RAD51B: variants seen among roughly 807,000 people sequenced by gnomAD.
RAD51B encodes the protein DNA repair protein RAD51 homolog 2.
In RAD51B, 38 loss-of-function variants were observed where a neutral mutation model predicts 42.2. The ratio of observed to expected loss-of-function variants is 0.90; its 90% CI spans 0.70 to 1.18. The LOEUF (loss-of-function observed/expected upper bound fraction) is 1.18. Among genes scored for constraint, RAD51B ranks in the 50% most tolerant of loss-of-function variants. The pLI, the probability that RAD51B is intolerant of heterozygous loss-of-function variation, is 0.00. For synonymous variants in RAD51B, 154 were observed against 145.2 expected (o/e 1.06, Z -0.43); for missense variants, 373 against 400.7 (o/e 0.93, Z 0.59).
intron 7 of RAD51B, among the ~76,000 whole-genome samples, chr14:67,952,128 T>C (rs1057041207): frequency 3.9e-5 from 6 of 152,056 alleles, no homozygotes; most frequent in Non-Finnish European, 7.4e-5. Context: ...GCAACAGTAT[T>C]GTCACAAAAG....
chr14:67,944,093 G>T (rs918259094), intron 7 of RAD51B, among the ~76,000 whole-genome samples: 8 of 152,084 alleles, frequency 5.3e-5, no homozygotes, highest in African/African-American at 1.9e-4. Flanking sequence ...AGTACAGCCA[G>T]GGGGAGTGGG....
intron 7 of RAD51B, among the ~76,000 whole-genome samples, chr14:68,287,853 C>T (rs1245584233): frequency 1.3e-5 from 2 of 152,120 alleles, no homozygotes; most frequent in African/African-American, 4.8e-5. Context: ...CTAAGGACTA[C>T]CTGTGCGTTA....
At chr14:68,352,279 T>C (rs1470790782) in intron 8 of RAD51B, among the ~76,000 whole-genome samples, 1 of 152,236 alleles carries the variant, frequency 6.6e-6, no homozygotes, top group Non-Finnish European at 1.5e-5. Context: ...TGTATTTCTG[T>C]AACTATTACT....
At chr14:68,140,025 C>A (rs1486530917) in intron 7 of RAD51B, among the ~76,000 whole-genome samples, 6 of 152,204 alleles carry the variant, frequency 3.9e-5, no homozygotes, top group Admixed American at 3.9e-4. Context: ...CCCTGAGAAA[C>A]CCTGCCAGAG....
At chr14:68,164,309 G>A (rs1003797184) in intron 7 of RAD51B, among the ~76,000 whole-genome samples, 1 of 152,162 alleles carries the variant, frequency 6.6e-6, no homozygotes, top group African/African-American at 2.4e-5. Context: ...TTGTTAGGAT[G>A]GAAGAGAAAT....
At chr14:68,129,185 A>G (rs1186873099) in intron 7 of RAD51B, among the ~76,000 whole-genome samples, 3 of 152,188 alleles carry the variant, frequency 2.0e-5, no homozygotes, top group African/African-American at 7.2e-5. Flanking sequence ...AGCCTAAACT[A>G]GAACCTAGGT....
At chr14:68,296,732 A>C (rs536434116) in intron 8 of RAD51B, among the ~76,000 whole-genome samples, 1 of 152,324 alleles carries the variant, frequency 6.6e-6, no homozygotes, top group South Asian at 2.1e-4. Flanking sequence ...CAGTTACTTC[A>C]TTATGGTGAC....
intron 1 of RAD51B, 166 bp from the exon 2 acceptor site, chr14:67,823,376 C>T (rs2040699649): frequency 3.7e-6 from 2 of 546,004 alleles, no homozygotes; most frequent in African/African-American, 3.8e-5. Flanking sequence ...TAAAAAGGTT[C>T]TATAGCATTC....
At chr14:68,072,377 T>A (rs1204648569) in intron 7 of RAD51B, among the ~76,000 whole-genome samples, 5 of 151,284 alleles carry the variant, frequency 3.3e-5, no homozygotes, top group Non-Finnish European at 5.9e-5. Flanking sequence ...GGAGAGTGAG[T>A]CCAAGTCCCA....
At chr14:68,301,399 G>A (rs1427178176) in intron 8 of RAD51B, among the ~76,000 whole-genome samples, 2 of 152,092 alleles carry the variant, frequency 1.3e-5, no homozygotes, top group South Asian at 2.1e-4. Flanking sequence ...AACAACAGTC[G>A]ATAAGTGGCT....
At chr14:68,620,201 T>C (rs1350990415) in intron 10 of RAD51B, among the ~76,000 whole-genome samples, 2 of 152,214 alleles carry the variant, frequency 1.3e-5, no homozygotes, top group African/African-American at 4.8e-5. Context: ...TTATTTATTA[T>C]CATTAAAGGC....
chr14:67,916,899 G>T (rs1042012310), intron 7 of RAD51B, among the ~76,000 whole-genome samples: 2 of 152,152 alleles, frequency 1.3e-5, no homozygotes, highest in African/African-American at 4.8e-5. Context: ...GAGGATGGGG[G>T]AGGCAATAAA....
chr14:67,992,100 C>T (rs59281517), intron 7 of RAD51B, among the ~76,000 whole-genome samples: 6,930 of 152,182 alleles, frequency 0.046, 565 homozygotes, highest in African/African-American at 0.16. Context: ...GTAGTAGTCC[C>T]GCTTTATTCT....
intron 7 of RAD51B, among the ~76,000 whole-genome samples, chr14:68,101,852 C>T (rs746903994): frequency 7.2e-5 from 11 of 152,240 alleles, no homozygotes; most frequent in Non-Finnish European, 1.6e-4. Context: ...CGACATTTCC[C>T]TTCTGCACTG....
downstream of RAD51B, among the ~76,000 whole-genome samples, chr14:68,599,186 G>A (rs1016514986): frequency 6.6e-6 from 1 of 152,220 alleles, no homozygotes; most frequent in Non-Finnish European, 1.5e-5. Flanking sequence ...AGGAGTGGTG[G>A]TAGTGTGGGC....
chr14:68,132,116 G>T (rs1714591843), intron 7 of RAD51B, among the ~76,000 whole-genome samples: 2 of 152,122 alleles, frequency 1.3e-5, no homozygotes, highest in South Asian at 4.1e-4. Flanking sequence ...TCACACTCCA[G>T]CAACTTTCAG....
chr14:68,464,272 A>C (rs1816764083), intron 9 of RAD51B, among the ~76,000 whole-genome samples: 1 of 152,166 alleles, frequency 6.6e-6, no homozygotes, highest in Non-Finnish European at 1.5e-5. Flanking sequence ...CACAAGTCCA[A>C]ATGTCACCTC....
intron 7 of RAD51B, among the ~76,000 whole-genome samples, chr14:68,223,386 A>G (rs2079969655): frequency 6.6e-6 from 1 of 152,248 alleles, no homozygotes; most frequent in Non-Finnish European, 1.5e-5. Context: ...AGAAACACAC[A>G]TAAACACATA....
At chr14:68,666,034 C>G (rs1448238015) in intron 11 of RAD51B, among the ~76,000 whole-genome samples, 1 of 152,220 alleles carries the variant, frequency 6.6e-6, no homozygotes, top group Non-Finnish European at 1.5e-5. Flanking sequence ...CACTCTTTCC[C>G]CCTTGAACCT....
Sources: allele counts gnomAD v4.1 joint callset (sites outside exome capture counted in the v4.1 genomes callset), GRCh38; gene constraint gnomAD v4.1.1; transcripts MANE v1.5; gene names NCBI Gene and HGNC (gene_info 2026-07-23, HGNC 2026-07-21).